CAPN13: variants seen among roughly 807,000 people sequenced by gnomAD.
CAPN13 encodes the protein calpain-13.
CAPN13 carries 90 observed loss-of-function variants against 98.4 expected under a neutral mutation model. The observed-to-expected ratio is 0.92, with a 90% CI of 0.77 to 1.09. The LOEUF (loss-of-function observed/expected upper bound fraction) is 1.09. Among genes scored for constraint, CAPN13 ranks in the 50% least tolerant of loss-of-function variants. CAPN13 has a pLI of 0.00. For missense variants in CAPN13, 887 were observed against 841.3 expected (o/e 1.05, Z -0.67); for synonymous variants, 330 against 305.5 (o/e 1.08, Z -0.84).
chr2:30,782,061 G>C (rs539126393), intron 2 of CAPN13, among the ~76,000 whole-genome samples: 1 of 152,208 alleles, frequency 6.6e-6, no homozygotes, highest in South Asian at 2.1e-4. Context: ...GTTATATTAG[G>C]TATGTCAGAG....
intron 1 of CAPN13, among the ~76,000 whole-genome samples, chr2:30,794,189 A>C (rs1360957475): frequency 6.6e-6 from 1 of 151,722 alleles, no homozygotes; most frequent in Non-Finnish European, 1.5e-5. Flanking sequence ...CATATAAAGA[A>C]CTCTTACAAA....
chr2:30,773,709 G>T (rs1673528527), intron 4 of CAPN13, among the ~76,000 whole-genome samples: 1 of 152,174 alleles, frequency 6.6e-6, no homozygotes, highest in African/African-American at 2.4e-5. Flanking sequence ...TAAAGCCAGA[G>T]CACCTGAAAG....
chr2:30,769,143 C>T (rs770711959), intron 5 of CAPN13, among the ~76,000 whole-genome samples: 6 of 152,194 alleles, frequency 3.9e-5, no homozygotes, highest in Non-Finnish European at 7.4e-5. Flanking sequence ...AGTGTACCCA[C>T]CCATTGTACC....
Position 30,737,873 on chromosome 2 carries a change from C to G in CAPN13, c.1653+362G>C, listed in dbSNP as rs1671452791. On this transcript the variant is annotated intron_variant, in intron 17 of 22. Coordinates refer to ENST00000295055, the MANE Select transcript of CAPN13 (RefSeq NM_144575.3). ...GTCCTGACTAGCTGTGTGATCTGGG[C>G]AAATTACTTAACCTCTCTGAACTCC... 1.0e-5 allele frequency: 3 copies of G among 290,258 alleles called. No homozygotes were observed. In the Admixed American group the frequency reaches 1.2e-4, roughly 12 times the overall value. The allele number at this position is 290,258 out of a possible 1,614,324, so 18.0% of individuals were successfully genotyped here.
intron 6 of CAPN13, among the ~76,000 whole-genome samples, chr2:30,763,428 T>C (rs1292484438): frequency 6.6e-6 from 1 of 152,216 alleles, no homozygotes; most frequent in African/African-American, 2.4e-5. Flanking sequence ...ACCAACCACA[T>C]GTCATCAGTG....
chr2:30,787,442 A>G (rs1232439261), intron 1 of CAPN13, 85 bp from the exon 2 acceptor site: 2 of 982,814 alleles, frequency 2.0e-6, no homozygotes, highest in Admixed American at 2.8e-5. Flanking sequence ...GGGCACTCTG[A>G]TATACCACCC....
intron 10 of CAPN13, among the ~76,000 whole-genome samples, chr2:30,752,263 C>T (rs934219964): frequency 6.6e-6 from 1 of 152,200 alleles, no homozygotes; most frequent in African/African-American, 2.4e-5. Flanking sequence ...GCATATGCAT[C>T]CCTGGGTGCA....
chr2:30,763,118 C>T lies in CAPN13; in HGVS notation c.738G>A (p.Val246=). 6.2e-6 allele frequency: 10 copies of T among 1,611,606 alleles called. No homozygotes were observed. The highest frequency in any genetic ancestry group is 8.5e-6 in the Non-Finnish European group (10 of 1,179,020). Reference sequence around the variant, plus strand: ...CAGTCACAGTGTAGGCATGGAGACTCACCAGCCCATTCTCCATCGCCTGTG... The same window carrying T: ...CAGTCACAGTGTAGGCATGGAGACTTACCAGCCCATTCTCCATCGCCTGTG... The part of the protein sequence containing the change: ...DTAQAMENGL[V]SLHAYTVTGA... The change falls in exon 7 of 23, where the codon GTG becomes GTA. Residue 246 remains valine (V), a synonymous_variant. Transcript: ENST00000295055.
At chr2:30,777,043 A>G (rs1673734610) in intron 3 of CAPN13, among the ~76,000 whole-genome samples, 2 of 152,048 alleles carry the variant, frequency 1.3e-5, no homozygotes, top group Non-Finnish European at 2.9e-5. Flanking sequence ...ACTCCTATCC[A>G]CTTTCCAGCC....
intron 6 of CAPN13, among the ~76,000 whole-genome samples, chr2:30,763,385 C>T (rs188595414): frequency 2.6e-5 from 4 of 152,336 alleles, no homozygotes; most frequent in East Asian, 1.9e-4. Flanking sequence ...GATAGAACCC[C>T]GTGGAGTCCC....
At chr2:30,804,932 T>G (rs1675521505) in intron 1 of CAPN13, among the ~76,000 whole-genome samples, 1 of 152,238 alleles carries the variant, frequency 6.6e-6, no homozygotes, top group South Asian at 2.1e-4. Context: ...CAGCAGATAT[T>G]AATGATAATT....
Position 30,743,099 on chromosome 2 carries a change from T to G in CAPN13, c.1445+284A>C, listed in dbSNP as rs1671738516. On this transcript the variant is annotated intron_variant, in intron 13 of 22. Transcript: ENST00000295055. ...TCTTCAAAGCCCAGCTCACGTGTCA[T>G]TTCCCTCAAGAAGCCTTCCTCAGTC... is the stretch of plus-strand genomic sequence containing the variant. 2.0e-5 allele frequency: 9 copies of G among 454,406 alleles called. No homozygotes were observed. In the South Asian group the frequency reaches 2.9e-4, roughly 15 times the overall value. 28.1% of individuals were successfully genotyped at this position (454,406 alleles called of 1,614,324 possible).
intron 7 of CAPN13, among the ~76,000 whole-genome samples, chr2:30,759,147 C>T (rs1281058934): frequency 5.4e-5 from 2 of 37,060 alleles, no homozygotes; most frequent in Admixed American, 1.6e-4. Flanking sequence ...CCCTCTTCCC[C>T]TTCCTTTTTT....
At chr2:30,763,740 C>A (rs746163651) in intron 6 of CAPN13, among the ~76,000 whole-genome samples, 4 of 152,168 alleles carry the variant, frequency 2.6e-5, no homozygotes, top group African/African-American at 4.8e-5. Flanking sequence ...TGGGGGGCTC[C>A]GTGTAAACTT....
At chr2:30,764,480 C>T (rs1205476939) in intron 5 of CAPN13, among the ~76,000 whole-genome samples, 174 bp from the exon 6 acceptor site, 1 of 152,184 alleles carries the variant, frequency 6.6e-6, no homozygotes, top group African/African-American at 2.4e-5. Flanking sequence ...CTGTCTGCAG[C>T]TCCAGGGGCT....
chr2:30,770,182 G>A (rs779476916), intron 5 of CAPN13, 131 bp downstream of exon 5: 184 of 1,232,784 alleles, frequency 1.5e-4, no homozygotes, highest in Middle Eastern at 8.5e-4. Flanking sequence ...ACCTTTGCAC[G>A]TGGTGATTGT....
At chr2:30,789,845 C>G (rs963252619) in intron 1 of CAPN13, among the ~76,000 whole-genome samples, 2 of 152,220 alleles carry the variant, frequency 1.3e-5, no homozygotes, top group Admixed American at 1.3e-4. Context: ...TGCTCATACC[C>G]AGGACAGGCT....
At chr2:30,764,399 G>A in intron 5 of CAPN13, 93 bp from the exon 6 acceptor site, 1 of 1,398,788 alleles carries the variant, frequency 7.1e-7, no homozygotes, top group Non-Finnish European at 9.8e-7. Flanking sequence ...TATTTCCCAG[G>A]TAAGGGGCTG....
At chr2:30,762,108 TG>T (rs1672877698) in intron 7 of CAPN13, among the ~76,000 whole-genome samples, 1 of 152,196 alleles carries the variant, frequency 6.6e-6, no homozygotes, top group African/African-American at 2.4e-5. Context: ...TCACCGCAAG[TG>T]TGGTGACAAA....
Sources: allele counts gnomAD v4.1 joint callset (sites outside exome capture counted in the v4.1 genomes callset), GRCh38; gene constraint gnomAD v4.1.1; transcripts MANE v1.5; gene names NCBI Gene and HGNC (gene_info 2026-07-23, HGNC 2026-07-21).